TTC39B: variants seen among roughly 807,000 people sequenced by gnomAD.
TTC39B encodes tetratricopeptide repeat domain 39B.
A neutral mutation model predicts 96.6 loss-of-function variants in TTC39B; 92 were observed. The observed-to-expected ratio is 0.95, with a 90% CI of 0.80 to 1.13. The LOEUF is 1.13. Ranked by LOEUF, TTC39B falls within the 50% of genes most tolerant of loss-of-function variation. TTC39B has a pLI of 0.00. For missense variants in TTC39B, 955 were observed against 809.3 expected, an observed-to-expected ratio of 1.18 and a Z score of -2.18; for synonymous variants, 367 against 299.4, an observed-to-expected ratio of 1.23 and a Z score of -2.33.
chr9:15,206,935 A>G lies in TTC39B; in HGVS notation c.692-3045T>C, dbSNP rs137946038. On this transcript the variant is annotated intron_variant, in intron 6 of 19. Coordinates refer to ENST00000512701, the Ensembl canonical transcript of TTC39B. ...GTGGGAACTGGTGGGAGATGTTTGG[A>G]TCATGGGGGTGGTTTCTCCCATGCT... Among the ~76,000 whole-genome samples the G allele has an allele frequency of 1.3e-3, 197 of 152,212 alleles. 2 individuals are homozygous for G. The highest frequency in any genetic ancestry group is 4.5e-3 in the African/African-American group (189 of 41,542).
chr9:15,268,578 T>C (rs1390851548), intron 1 of TTC39B, among the ~76,000 whole-genome samples: 1 of 152,008 alleles, frequency 6.6e-6, no homozygotes, highest in Non-Finnish European at 1.5e-5. Flanking sequence ...CAAATACACA[T>C]GCACTCACTC....
exon 20 of TTC39B, chr9:15,166,982 T>TTTATA (rs1387664027): frequency 4.9e-5 from 1 of 20,276 alleles, no homozygotes; most frequent in African/African-American, 1.8e-4. Flanking sequence ...AACCTTTATT[T>TTTATA]TATATATATA....
At chr9:15,231,960 G>C (rs1821446083) in intron 2 of TTC39B, among the ~76,000 whole-genome samples, 1 of 152,006 alleles carries the variant, frequency 6.6e-6, no homozygotes, top group East Asian at 1.9e-4. Context: ...AGAGACCTTG[G>C]CACATCTCAC....
At chr9:15,262,986 G>C (rs1289843235) in intron 2 of TTC39B, among the ~76,000 whole-genome samples, 1 of 152,180 alleles carries the variant, frequency 6.6e-6, no homozygotes, top group Admixed American at 6.5e-5. Flanking sequence ...GACAAACCCT[G>C]AAATTAGGAC....
intron 2 of TTC39B, among the ~76,000 whole-genome samples, chr9:15,267,073 C>T (rs1291315868): frequency 6.6e-6 from 1 of 151,884 alleles, no homozygotes; most frequent in African/African-American, 2.4e-5. Context: ...AGCGAGACTC[C>T]GTCTCAAAAA....
At position 15,273,489 on chromosome 9, in the gene TTC39B, C is replaced by A. The variant is rs373843561; in HGVS notation, c.241-5541G>T. Among the ~76,000 whole-genome samples, 472 of 152,266 alleles carry A rather than the reference C, an allele frequency of 3.1e-3. 3 individuals are homozygous for A. The highest frequency in any genetic ancestry group is 0.011 in the African/African-American group (450 of 41,538). Reference sequence around the variant, plus strand: ...CTCCACATTCCTCCCTCCTCCTCCGCGTTCCTCCTCCTCACCCTCAGCCCT... The same window carrying A: ...CTCCACATTCCTCCCTCCTCCTCCGAGTTCCTCCTCCTCACCCTCAGCCCT... On this transcript the variant is annotated intron_variant, in intron 1 of 19. Coordinates refer to ENST00000512701, the Ensembl canonical transcript of TTC39B.
At chr9:15,230,713 G>A (rs913966203) in intron 2 of TTC39B, among the ~76,000 whole-genome samples, 2 of 152,174 alleles carry the variant, frequency 1.3e-5, no homozygotes, top group Non-Finnish European at 1.5e-5. Context: ...AAGGCATGGT[G>A]GCTCACTCCT....
At chr9:15,253,203 T>C (rs544680002) in intron 2 of TTC39B, among the ~76,000 whole-genome samples, 21 of 152,330 alleles carry the variant, frequency 1.4e-4, no homozygotes, top group African/African-American at 5.1e-4. Flanking sequence ...TTATAGATAT[T>C]AGGGATCCTG....
intron 7 of TTC39B, among the ~76,000 whole-genome samples, chr9:15,200,427 A>G (rs1819466780): frequency 6.6e-6 from 1 of 152,216 alleles, no homozygotes; most frequent in Admixed American, 6.5e-5. Context: ...CTAGGCCCAA[A>G]ATAACTGGTC....
exon 12 of TTC39B, chr9:15,189,734 C>G (rs1386098440): frequency 6.2e-7 from 1 of 1,613,954 alleles, no homozygotes; most frequent in Non-Finnish European, 8.5e-7. Flanking sequence ...CATTTGGAAA[C>G]TGCTGGAGGA....
chr9:15,221,018 G>A (rs949595733), intron 3 of TTC39B, among the ~76,000 whole-genome samples: 6 of 152,212 alleles, frequency 3.9e-5, no homozygotes, highest in African/African-American at 1.4e-4. Flanking sequence ...TCAGGGCTAC[G>A]AGCTGCATGC....
intron 2 of TTC39B, among the ~76,000 whole-genome samples, chr9:15,246,523 G>A (rs1192943932): frequency 4.6e-5 from 7 of 152,116 alleles, no homozygotes; most frequent in African/African-American, 9.7e-5. Context: ...CAAGAAGTGA[G>A]GTCTATGGCC....
At chr9:15,285,085 C>T (rs1163587732) in intron 1 of TTC39B, among the ~76,000 whole-genome samples, 1 of 151,912 alleles carries the variant, frequency 6.6e-6, no homozygotes, top group Non-Finnish European at 1.5e-5. Flanking sequence ...CACGGTGAAA[C>T]CCCGTCTCTA....
intron 7 of TTC39B, among the ~76,000 whole-genome samples, chr9:15,200,796 C>G (rs1819491309): frequency 6.6e-6 from 1 of 152,216 alleles, no homozygotes; most frequent in African/African-American, 2.4e-5. Context: ...GTTAGGAGAT[C>G]AAGGCCATCC....
At chr9:15,214,067 A>T in intron 4 of TTC39B, 72 bp downstream of exon 4, 2 of 1,171,226 alleles carry the variant, frequency 1.7e-6, no homozygotes, top group Non-Finnish European at 1.2e-6. Flanking sequence ...AAATTAATTT[A>T]CAAGCATGAC....
intron 1 of TTC39B, among the ~76,000 whole-genome samples, chr9:15,290,585 T>G (rs1824147439): frequency 6.6e-6 from 1 of 152,242 alleles, no homozygotes; most frequent in Non-Finnish European, 1.5e-5. Flanking sequence ...AAATGCACGT[T>G]TGACGTCTTC....
chr9:15,168,464 T>C (rs1817568263), exon 20 of TTC39B: 1 of 147,386 alleles, frequency 6.8e-6, no homozygotes, highest in Admixed American at 6.7e-5. Context: ...AAGCATTAGA[T>C]AATTCCAGAA....
intron 2 of TTC39B, among the ~76,000 whole-genome samples, chr9:15,259,705 G>A (rs577608206): frequency 4.6e-5 from 7 of 152,238 alleles, no homozygotes; most frequent in Admixed American, 1.3e-4. Context: ...GTTTGTCAGG[G>A]TATCCAATGC....
chr9:15,175,392 A>C (rs749549543), intron 18 of TTC39B, among the ~76,000 whole-genome samples: 6 of 152,198 alleles, frequency 3.9e-5, no homozygotes, highest in Non-Finnish European at 8.8e-5. Flanking sequence ...ATCAGCGCAT[A>C]CGGATCTTTA....
Sources: gnomAD v4.1 joint callset for allele counts (sites outside exome capture counted in the v4.1 genomes callset) on GRCh38, gnomAD v4.1.1 for gene constraint, MANE v1.5 for transcripts, NCBI Gene and HGNC (gene_info 2026-07-23, HGNC 2026-07-21) for gene names.